FLACC1: variants seen among roughly 807,000 people sequenced by gnomAD.
FLACC1 encodes flagellum-associated coiled-coil domain-containing protein 1.
Under a neutral mutation model 62.8 loss-of-function variants are expected in FLACC1, and 66 were observed. The ratio of observed to expected loss-of-function variants is 1.05; its 90% CI spans 0.86 to 1.29. The LOEUF (loss-of-function observed/expected upper bound fraction) is 1.29. Among genes scored for constraint, FLACC1 ranks in the 50% most tolerant of loss-of-function variants. FLACC1 has a pLI of 0.00. For missense variants in FLACC1, 452 were observed against 489.1 expected (o/e 0.92, Z 0.71); for synonymous variants, 156 against 161.0 (o/e 0.97, Z 0.24).
intron 12 of FLACC1, among the ~76,000 whole-genome samples, chr2:201,293,928 T>C (rs1228783021): frequency 2.0e-5 from 3 of 151,902 alleles, no homozygotes; most frequent in Admixed American, 2.0e-4. Flanking sequence ...CTAGAAGAAA[T>C]GGATAAATTC....
chr2:201,342,429 G>A lies in FLACC1; in HGVS notation c.465C>T (p.Leu155=), dbSNP rs1950828537. 2.5e-6 allele frequency: 4 copies of A among 1,614,162 alleles called. No individual in the cohort carries two copies. The highest frequency in any genetic ancestry group is 2.2e-5 in the East Asian group (1 of 44,884). ...NRDHQSAQKL[L]SSEMDLRCAE... ...CACAGCGGAGATCCATTTCACTGGA[G>A]AGCTGGAAACAAAATCAGCATCTAC... Residue 155 remains leucine (L), a splice_region_variant and synonymous_variant, in exon 7 of 15, where the codon CTC becomes CTT. Coordinates refer to ENST00000392257, the MANE Select transcript of FLACC1 (RefSeq NM_001127391.3).
At chr2:201,299,703 G>A (rs150892952) in intron 11 of FLACC1, among the ~76,000 whole-genome samples, 11 of 152,288 alleles carry the variant, frequency 7.2e-5, no homozygotes, top group Middle Eastern at 3.4e-3. Flanking sequence ...TACAAAGCAT[G>A]TGGAAAGGCA....
intron 9 of FLACC1, among the ~76,000 whole-genome samples, chr2:201,318,357 G>C (rs962969347): frequency 1.3e-5 from 2 of 152,060 alleles, no homozygotes; most frequent in Non-Finnish European, 2.9e-5. Flanking sequence ...TCTGACAAAG[G>C]ACTAATATCC....
At chr2:201,323,784 CA>C (rs71022362) in intron 9 of FLACC1, among the ~76,000 whole-genome samples, 21,113 of 52,442 alleles carry the variant, frequency 0.4, 2,880 homozygotes, top group Admixed American at 0.56. Context: ...CAGACTCTAT[CA>C]AAAAAAAAAA....
intron 12 of FLACC1, among the ~76,000 whole-genome samples, chr2:201,294,326 A>C (rs1428407268): frequency 6.6e-6 from 1 of 152,218 alleles, no homozygotes; most frequent in Non-Finnish European, 1.5e-5. Context: ...ATCCACCATG[A>C]TCAAGTGGGC....
chr2:201,331,182 TG>T (rs1169761508), intron 7 of FLACC1, among the ~76,000 whole-genome samples: 1 of 152,016 alleles, frequency 6.6e-6, no homozygotes. Context: ...GTGTCCAGGC[TG>T]GTTTCAAAAT....
chr2:201,340,693 A>G (rs1439020051), intron 7 of FLACC1, among the ~76,000 whole-genome samples: 7 of 152,144 alleles, frequency 4.6e-5, no homozygotes, highest in Non-Finnish European at 1.0e-4. Context: ...GTATGGCTCT[A>G]TTTTGCTTAT....
At position 201,305,691 on chromosome 2, in the gene FLACC1, C is replaced by A. The variant is rs549364503; in HGVS notation, c.879+1828G>T. 1.6e-4 allele frequency among the ~76,000 whole-genome samples: 25 copies of A among 152,294 alleles called. No individual in the cohort carries two copies. The East Asian group carries it at 4.8e-3, about 29-fold the overall frequency. ...AAAGACTTGGAACCAACCAAAATGTCCATCAATGATAGACTGGATTAAGAA... is the reference window on the plus strand; with the variant it reads ...AAAGACTTGGAACCAACCAAAATGTACATCAATGATAGACTGGATTAAGAA... On this transcript the variant is annotated intron_variant, in intron 11 of 14. Transcript: ENST00000392257.
chr2:201,306,914 A>C (rs575776383), intron 11 of FLACC1, among the ~76,000 whole-genome samples: 11 of 152,232 alleles, frequency 7.2e-5, no homozygotes, highest in Non-Finnish European at 1.6e-4. Flanking sequence ...ATATGAATGG[A>C]CCAATAAGCA....
chr2:201,351,216 G>C, intron 2 of FLACC1, 76 bp downstream of exon 2: 1 of 1,293,802 alleles, frequency 7.7e-7, no homozygotes, highest in East Asian at 2.4e-5. Context: ...TGCTGTTTTA[G>C]AAATCTTGTG....
At chr2:201,338,861 C>T (rs1450325787) in intron 7 of FLACC1, among the ~76,000 whole-genome samples, 4 of 152,004 alleles carry the variant, frequency 2.6e-5, no homozygotes, top group South Asian at 2.1e-4. Flanking sequence ...GATATTGATC[C>T]GTGGTTTTCT....
At chr2:201,338,252 T>C (rs113106243) in intron 7 of FLACC1, among the ~76,000 whole-genome samples, 2 of 152,364 alleles carry the variant, frequency 1.3e-5, no homozygotes, top group African/African-American at 4.8e-5. Context: ...ATGTTGATTT[T>C]ATATTCTGCA....
At chr2:201,354,431 G>A (rs1428225650) in intron 1 of FLACC1, among the ~76,000 whole-genome samples, 2 of 152,202 alleles carry the variant, frequency 1.3e-5, no homozygotes, top group Non-Finnish European at 2.9e-5. Flanking sequence ...CTGCAATAGA[G>A]GTCAGGGCTA....
intron 7 of FLACC1, among the ~76,000 whole-genome samples, 164 bp downstream of exon 7, chr2:201,342,206 A>G (rs1262812891): frequency 6.6e-6 from 1 of 152,200 alleles, no homozygotes; most frequent in Non-Finnish European, 1.5e-5. Flanking sequence ...CTTTGAATCA[A>G]GCCATTCTGC....
intron 1 of FLACC1, 50 bp from the exon 2 acceptor site, chr2:201,351,501 A>G (rs368190842): frequency 2.3e-6 from 2 of 883,256 alleles, no homozygotes. Context: ...GAATCAAAGC[A>G]AAAATACAGA....
intron 9 of FLACC1, among the ~76,000 whole-genome samples, chr2:201,310,273 T>TA (rs1950193733): frequency 6.6e-6 from 1 of 152,120 alleles, no homozygotes; most frequent in African/African-American, 2.4e-5. Context: ...AGGAGTATCT[T>TA]AAAAAAATGA....
chr2:201,292,359 G>T (rs547100574), intron 12 of FLACC1, among the ~76,000 whole-genome samples: 4 of 152,340 alleles, frequency 2.6e-5, no homozygotes, highest in Admixed American at 6.5e-5. Context: ...AGAAGAGAGT[G>T]AGGGCCAATA....
chr2:201,305,511 T>A (rs1950084763), intron 11 of FLACC1, among the ~76,000 whole-genome samples: 1 of 152,240 alleles, frequency 6.6e-6, no homozygotes, highest in South Asian at 2.1e-4. Flanking sequence ...TCAACCATTG[T>A]GGAAGACAGT....
At chr2:201,357,931 T>C (rs1384372280), upstream of FLACC1, among the ~76,000 whole-genome samples, 2 of 152,160 alleles carry the variant, frequency 1.3e-5, no homozygotes, top group African/African-American at 4.8e-5. Context: ...AATTTTGTAA[T>C]AAAAAAATTT....
Sources: gnomAD v4.1 joint callset for allele counts (sites outside exome capture counted in the v4.1 genomes callset) on GRCh38, gnomAD v4.1.1 for gene constraint, MANE v1.5 for transcripts, NCBI Gene and HGNC (gene_info 2026-07-23, HGNC 2026-07-21) for gene names.